Variants in WDR35 observed in about 807,000 individuals in gnomAD.
The protein encoded by WDR35 is WD repeat domain 35.
A neutral mutation model predicts 158.3 loss-of-function variants in WDR35; 118 were observed. The observed-to-expected ratio is 0.75, with a 90% CI of 0.64 to 0.87. The LOEUF is 0.87. Ranked by LOEUF, WDR35 falls within the 40% of genes least tolerant of loss-of-function variation. The pLI, the probability that WDR35 is intolerant of heterozygous loss-of-function variation, is 0.00. For synonymous variants in WDR35, 448 were observed against 476.1 expected, an observed-to-expected ratio of 0.94 and a Z score of 0.77; for missense variants, 1,263 against 1,405.8, an observed-to-expected ratio of 0.90 and a Z score of 1.62.
intron 11 of WDR35, among the ~76,000 whole-genome samples, chr2:19,956,618 C>CTT (rs34318252): frequency 1.1e-3 from 140 of 129,386 alleles, no homozygotes; most frequent in Admixed American, 8.1e-3. Flanking sequence ...CTTAATAATA[C>CTT]TTTTTTTTTT....
chr2:19,960,388 C>T (rs1212804489), intron 11 of WDR35, among the ~76,000 whole-genome samples, 166 bp downstream of exon 11: 1 of 152,040 alleles, frequency 6.6e-6, no homozygotes, highest in East Asian at 1.9e-4. Context: ...AAGAATTCTA[C>T]CATGGTAACA....
In WDR35 at chr2:19,937,768, T is replaced by C. The variant is rs1382637576; in HGVS notation, c.2242A>G (p.Arg748Gly). 1.2e-6 allele frequency: 2 copies of C among 1,614,168 alleles called. No homozygotes were observed. The highest frequency in any genetic ancestry group is 2.2e-5 in the East Asian group (1 of 44,888). The change falls in exon 19 of 27, where the codon AGA (arginine) becomes GGA (glycine). Residue 748 changes from arginine to glycine, a missense_variant. Arg to Gly is a moderately radical substitution (Grantham distance 125). Coordinates refer to ENST00000281405, the MANE Select transcript of WDR35 (RefSeq NM_020779.4). ...GYFGRFEEAE[R>G]TYLEMDRRDL... is the part of the protein sequence containing the mutation. ...CTTCTGTCCATCTCGAGATACGTTCTTTCAGCCTCTTCAAACCTGCCGAAG... is the reference window on the plus strand; with the variant it reads ...CTTCTGTCCATCTCGAGATACGTTCCTTCAGCCTCTTCAAACCTGCCGAAG...
chr2:19,964,598 G>C (rs992860381), intron 10 of WDR35, among the ~76,000 whole-genome samples: 1 of 151,550 alleles, frequency 6.6e-6, no homozygotes. Context: ...TGCCCAGGCC[G>C]GTCTCGAACT....
rs756520116 is a variant in WDR35 at position 19,930,572 on chromosome 2, A to G, written c.2965-20T>C. The G allele has an allele frequency of 1.7e-5, 28 of 1,613,600 alleles. No individual in the cohort carries two copies. The highest frequency in any genetic ancestry group is 2.1e-5 in the Non-Finnish European group (25 of 1,180,010). ...AGTGGCCTACGAGTAAAGTCAGCCC[A>G]CACTTTCCGTCAGCACAAACGCACA... On this transcript the variant is annotated intron_variant, in intron 24 of 26. Transcript: ENST00000281405.
intron 12 of WDR35, among the ~76,000 whole-genome samples, chr2:19,952,632 G>A (rs780440404): frequency 2.6e-5 from 4 of 151,920 alleles, no homozygotes; most frequent in South Asian, 2.1e-4. Flanking sequence ...CCACGGTAAC[G>A]CCTACCAGCA....
rs868094695 is a variant in WDR35, at chr2:19,933,811, A to T, written c.2548-300T>A. 3.3e-5 allele frequency among the ~76,000 whole-genome samples: 5 copies of T among 152,236 alleles called. No homozygotes were observed. The Middle Eastern group carries it at 0.014, about 414-fold the overall frequency. ...AGTATACAGAAATGTCAAGCTCCAA[A>T]ACAAATCCCCCACCAGTGGGTGAAA... is the stretch of plus-strand genomic sequence containing the variant. On this transcript the variant is annotated intron_variant, in intron 21 of 26. Coordinates refer to ENST00000281405, the MANE Select transcript of WDR35 (RefSeq NM_020779.4).
At chr2:19,975,306 C>A (rs1379278514) in intron 6 of WDR35, among the ~76,000 whole-genome samples, 1 of 152,058 alleles carries the variant, frequency 6.6e-6, no homozygotes, top group African/African-American at 2.4e-5. Context: ...AAAATTGGAA[C>A]TAAAAGCTAC....
chr2:19,943,730 C>T (rs1026270566), intron 16 of WDR35, among the ~76,000 whole-genome samples: 6 of 151,908 alleles, frequency 3.9e-5, no homozygotes, highest in African/African-American at 9.7e-5. Context: ...AACAAAACAG[C>T]GCAATCAGTA....
rs1178881438 is a variant in WDR35, at chr2:19,932,447, A to C, written c.2659T>G (p.Trp887Gly). 1.9e-6 allele frequency: 3 copies of C among 1,613,102 alleles called. No individual in the cohort carries two copies. The highest frequency in any genetic ancestry group is 1.3e-5 in the African/African-American group (1 of 74,892). The change falls in exon 23 of 27, where the codon TGG becomes GGG. Residue 887 changes from tryptophan (W) to glycine (G), a missense_variant and splice_region_variant. By Grantham distance (184) the Trp-to-Gly change is radical. Transcript: ENST00000281405. Reference protein sequence around the residue: ...AVDTCVHLNQWNKAVELAKNH... With the variant: ...AVDTCVHLNQGNKAVELAKNH... ...TTAGCCAATTCAACAGCTTTGTTCC[A>C]CTAGGAGAAAAATTACACCATTCAG...
chr2:19,941,618 G>C lies in WDR35; in HGVS notation c.1926+141C>G. ...AAAAGATGGTGGCACCCACCTAAAG[G>C]CTGAACAATAAGAGAGCAGGGCTGG... is the stretch of plus-strand genomic sequence containing the variant. On this transcript the variant is annotated intron_variant, in intron 17 of 26. Transcript: ENST00000281405. The C allele has an allele frequency of 6.8e-6, 4 of 590,446 alleles. No homozygotes were observed. The South Asian group carries it at 8.3e-5, about 12-fold the overall frequency. 36.6% of individuals were successfully genotyped at this position (590,446 alleles called of 1,614,324 possible). A position where few individuals can be genotyped will look rare whatever the true frequency, so the allele number is the denominator to read the frequency against.
chr2:19,934,798 A>G lies in WDR35; in HGVS notation c.2547+673T>C, dbSNP rs1670641101. 6.6e-6 allele frequency among the ~76,000 whole-genome samples: 1 copy of G among 152,198 alleles called. No homozygotes were observed. Among genetic ancestry groups the G allele is most frequent in the Non-Finnish European group, 1.5e-5 (1 of 68,032 alleles). On this transcript the variant is annotated intron_variant, in intron 21 of 26. Transcript: ENST00000281405. This position sits in a 1 kb window ranked among gnomAD's most constrained non-coding sequence, Gnocchi z 4.6. The stretch of plus-strand genomic sequence containing the variant: ...ATAGCCGCTCAAATTCACAATAGGG[A>G]AAACTGAATTACCGTAATTCTATAC...
At position 19,954,490 on chromosome 2, in the gene WDR35, C is replaced by T. The variant is rs78107707; in HGVS notation, c.1256-512G>A. On this transcript the variant is annotated intron_variant, in intron 11 of 26. Coordinates refer to ENST00000281405, the MANE Select transcript of WDR35 (RefSeq NM_020779.4). Reference sequence around the variant, plus strand: ...AACTCAATAATAAAGACAAATAGCCCAATTTAAAAGTGAGCAACGGATACA... The same window carrying T: ...AACTCAATAATAAAGACAAATAGCCTAATTTAAAAGTGAGCAACGGATACA... Among the ~76,000 whole-genome samples, 1,148 of 152,080 alleles carry T rather than the reference C, an allele frequency of 7.5e-3. 15 individuals carry two copies. Among genetic ancestry groups the T allele is most frequent in the African/African-American group, 0.026 (1,062 of 41,490 alleles).
chr2:19,983,151 T>C (rs190820330), intron 2 of WDR35, among the ~76,000 whole-genome samples: 1 of 152,262 alleles, frequency 6.6e-6, no homozygotes, highest in Admixed American at 6.5e-5. Flanking sequence ...TGACTTAATT[T>C]AGATTGATGG....
At chr2:19,965,450 G>A (rs1057409842) in intron 10 of WDR35, among the ~76,000 whole-genome samples, 2 of 152,154 alleles carry the variant, frequency 1.3e-5, no homozygotes, top group African/African-American at 4.8e-5. Context: ...TTTCCCTGGG[G>A]ACTCTCAATC....
At chr2:19,925,416 C>A (rs1431529587) in intron 25 of WDR35, among the ~76,000 whole-genome samples, 2 of 152,140 alleles carry the variant, frequency 1.3e-5, no homozygotes, top group Non-Finnish European at 2.9e-5. Flanking sequence ...CAAGGCAAAG[C>A]AGCTTACTGG....
Position 19,912,595 on chromosome 2 carries a change from A to C in WDR35, c.*963T>G, listed in dbSNP as rs1669871035. The C allele has an allele frequency of 6.6e-6, 1 of 152,234 alleles. No individual in the cohort carries two copies. The highest frequency in any genetic ancestry group is 6.5e-5 in the Admixed American group (1 of 15,286). The allele number at this position is 152,234 out of a possible 1,614,324, so 9.4% of individuals were successfully genotyped here. On this transcript the variant is annotated 3_prime_UTR_variant, in exon 27 of 27. Transcript: ENST00000281405. ...CTCTACTATATGTAAGCCAAACCTC[A>C]ATAAAATAATCTTGATGAAATAGTG...
intron 2 of WDR35, among the ~76,000 whole-genome samples, chr2:19,986,322 G>A (rs1030602378): frequency 2.0e-5 from 3 of 152,156 alleles, no homozygotes; most frequent in Non-Finnish European, 4.4e-5. Flanking sequence ...AGATATAAAT[G>A]TGGGGCTCTT....
chr2:19,964,881 G>A (rs1022938722), intron 10 of WDR35, among the ~76,000 whole-genome samples: 3 of 152,078 alleles, frequency 2.0e-5, no homozygotes, highest in East Asian at 1.9e-4. Flanking sequence ...TTTTATGGAT[G>A]TAATATCTCT....
chr2:19,973,028 T>A (rs1249491023), intron 8 of WDR35, among the ~76,000 whole-genome samples: 2 of 152,108 alleles, frequency 1.3e-5, no homozygotes, highest in Non-Finnish European at 2.9e-5. Flanking sequence ...TACTCATATG[T>A]ACATTTATGA....
Sources: gnomAD v4.1 joint callset for allele counts (sites outside exome capture counted in the v4.1 genomes callset) on GRCh38, gnomAD v4.1.1 for gene constraint, Gnocchi (gnomAD v3.1) non-coding constraint, MANE v1.5 for transcripts, NCBI Gene and HGNC (gene_info 2026-07-23, HGNC 2026-07-21) for gene names.